TRAF2: variants seen among roughly 807,000 people sequenced by gnomAD.
TRAF2 encodes TNF receptor associated factor 2.
In TRAF2, 6 loss-of-function variants were observed where a neutral mutation model predicts 55.6. The observed-to-expected ratio is 0.11, with a 90% CI of 0.06 to 0.21. The LOEUF (loss-of-function observed/expected upper bound fraction) is 0.21, where lower values mean the gene tolerates loss of function less well. TRAF2 is among the 10% of genes least tolerant of loss of function. The pLI is 1.00. For missense variants in TRAF2, 561 were observed against 684.5 expected, an observed-to-expected ratio of 0.82 and a Z score of 2.01; for synonymous variants, 329 against 276.3, an observed-to-expected ratio of 1.19 and a Z score of -1.89.
chr9:136,894,083 A>G (rs2131281368), intron 1 of TRAF2, among the ~76,000 whole-genome samples: 1 of 117,484 alleles, frequency 8.5e-6, no homozygotes. Context: ...GTCTTGCCTC[A>G]TCGCCCAGGC....
At chr9:136,894,240 T>C (rs564477754) in intron 1 of TRAF2, among the ~76,000 whole-genome samples, 1 of 151,746 alleles carries the variant, frequency 6.6e-6, no homozygotes, top group East Asian at 1.9e-4. Context: ...AGAGACAGGG[T>C]TTCACCATGT....
chr9:136,923,879 A>G lies in TRAF2; in HGVS notation c.1166A>G (p.Lys389Arg). The G allele has an allele frequency of 6.2e-7, 1 of 1,613,832 alleles. No individual in the cohort carries two copies. The highest frequency in any genetic ancestry group is 8.5e-7 in the Non-Finnish European group (1 of 1,179,946). Reference sequence around the variant, plus strand: ...TTCTACACCAGCAGGTACGGCTACAAGATGTGTCTGCGTATCTACCTGAAC... The same window carrying G: ...TTCTACACCAGCAGGTACGGCTACAGGATGTGTCTGCGTATCTACCTGAAC... ...PAFYTSRYGY[K>R]MCLRIYLNGD... The change falls in exon 10 of 11, where the codon AAG (lysine) becomes AGG (arginine). Residue 389 changes from lysine to arginine, a missense_variant. Physicochemically the swap from Lys to Arg is conservative, Grantham distance 26. Transcript: ENST00000247668.
upstream of TRAF2, among the ~76,000 whole-genome samples, chr9:136,883,038 T>G (rs2131263445): frequency 6.6e-6 from 1 of 152,248 alleles, no homozygotes; most frequent in Middle Eastern, 3.4e-3. Flanking sequence ...GTTCAGTTAA[T>G]TTTTGTATTT....
At chr9:136,915,863 C>G (rs372172971) in intron 6 of TRAF2, among the ~76,000 whole-genome samples, 1 of 152,154 alleles carries the variant, frequency 6.6e-6, no homozygotes, top group African/African-American at 2.4e-5. Context: ...TTCACAGTTA[C>G]GGCCGTTTCC....
At chr9:136,918,160 G>A (rs1352067951) in intron 7 of TRAF2, among the ~76,000 whole-genome samples, 1 of 150,604 alleles carries the variant, frequency 6.6e-6, no homozygotes, top group East Asian at 1.9e-4. Context: ...GGGTGGTCAT[G>A]CCTCTAGCTG....
Position 136,925,851 on chromosome 9 carries a change from C to T in TRAF2, c.1456C>T (p.Arg486Trp), listed in dbSNP as rs774782158. 52 of 1,614,102 alleles carry T rather than the reference C, an allele frequency of 3.2e-5. No homozygotes were observed. The highest frequency in any genetic ancestry group is 2.4e-4 in the East Asian group (11 of 44,900). ...SKMEAKNSYV[R>W]DDAIFIKAIV... Reference sequence around the variant, plus strand: ...GATGGAGGCAAAGAATTCCTACGTGCGGGACGATGCCATCTTCATCAAGGC... The same window carrying T: ...GATGGAGGCAAAGAATTCCTACGTGTGGGACGATGCCATCTTCATCAAGGC... Residue 486 changes from arginine (R) to tryptophan (W), a missense_variant, in exon 11 of 11, where the codon CGG (arginine) becomes TGG (tryptophan). Physicochemically the swap from Arg to Trp is moderately radical, Grantham distance 101. Around this residue, in one of 2 missense-constraint regions of TRAF2, gnomAD observed 135 missense variants for 207.7 expected, o/e 0.65. Transcript: ENST00000247668.
At chr9:136,892,846 C>T (rs753505681) in intron 1 of TRAF2, among the ~76,000 whole-genome samples, 5 of 152,270 alleles carry the variant, frequency 3.3e-5, no homozygotes, top group East Asian at 1.9e-4. Flanking sequence ...GTTGCACTCC[C>T]GCCTGAGCGA....
chr9:136,903,685 TG>T (rs1282729831), intron 4 of TRAF2, among the ~76,000 whole-genome samples: 200 of 152,080 alleles, frequency 1.3e-3, no homozygotes, highest in African/African-American at 4.3e-3. Context: ...TTTGTTTGTT[TG>T]TTTGTTGTTT....
intron 6 of TRAF2, among the ~76,000 whole-genome samples, chr9:136,913,341 A>G (rs1588437999): frequency 8.6e-6 from 1 of 115,922 alleles, no homozygotes; most frequent in Non-Finnish European, 1.6e-5. Context: ...TCTGCCGCCC[A>G]GGCTGGAGTG....
intron 7 of TRAF2, among the ~76,000 whole-genome samples, chr9:136,918,762 G>A (rs1348729577): frequency 1.3e-5 from 2 of 151,972 alleles, no homozygotes; most frequent in Admixed American, 1.3e-4. Flanking sequence ...TTGAGACAGA[G>A]TCTTGCTCTG....
chr9:136,899,649 A>G lies in TRAF2; in HGVS notation c.244A>G (p.Ile82Val), dbSNP rs763472025. The change falls in exon 3 of 11, where the codon ATT (isoleucine) becomes GTT (valine). Residue 82 changes from isoleucine to valine, a missense_variant. Coordinates refer to ENST00000247668, the MANE Select transcript of TRAF2 (RefSeq NM_021138.4). Reference sequence around the variant, plus strand: ...TCACGAGGGCATATATGAAGAAGGCATTTCTATTTTAGAAAGCAGTTCGGT... The same window carrying G: ...TCACGAGGGCATATATGAAGAAGGCGTTTCTATTTTAGAAAGCAGTTCGGT... ...CVHEGIYEEGISILESSSAFP... is the reference protein window; with the variant it reads ...CVHEGIYEEGVSILESSSAFP... 1.3e-5 allele frequency: 21 copies of G among 1,612,988 alleles called. No homozygotes were observed. The highest frequency in any genetic ancestry group is 1.3e-5 in the Non-Finnish European group (15 of 1,179,250).
At chr9:136,919,441 G>A (rs952850572) in intron 7 of TRAF2, among the ~76,000 whole-genome samples, 1 of 151,518 alleles carries the variant, frequency 6.6e-6, no homozygotes. Context: ...GATTACAGGC[G>A]TGCACCACCA....
rs142412558 is a variant in TRAF2 at position 136,925,857 on chromosome 9, G to A, written c.1462G>A (p.Asp488Asn). ...MEAKNSYVRD[D>N]AIFIKAIVDL... The stretch of plus-strand genomic sequence containing the variant: ...GGCAAAGAATTCCTACGTGCGGGAC[G>A]ATGCCATCTTCATCAAGGCCATTGT... Residue 488 changes from aspartate to asparagine, a missense_variant, in exon 11 of 11, where the codon GAT becomes AAT. Physicochemically the swap from Asp to Asn is conservative, Grantham distance 23. Transcript: ENST00000247668. 384 of 1,614,208 alleles carry A rather than the reference G, an allele frequency of 2.4e-4. No homozygotes were observed. Among genetic ancestry groups the A allele is most frequent in the Non-Finnish European group, 3.0e-4 (357 of 1,180,052 alleles).
At chr9:136,914,654 G>A (rs2131319546) in intron 6 of TRAF2, among the ~76,000 whole-genome samples, 1 of 152,268 alleles carries the variant, frequency 6.6e-6, no homozygotes, top group East Asian at 1.9e-4. Flanking sequence ...AGAAAGTCGT[G>A]GTTCCTGTTG....
Position 136,920,186 on chromosome 9 carries a change from A to G in TRAF2, c.679-48A>G, listed in dbSNP as rs142712785. 2,374 of 1,546,304 alleles carry G rather than the reference A, an allele frequency of 1.5e-3. 7 individuals carry two copies. Among genetic ancestry groups the G allele is most frequent in the Middle Eastern group, 5.6e-3 (24 of 4,266 alleles). On this transcript the variant is annotated intron_variant, in intron 7 of 10. Transcript: ENST00000247668. The stretch of plus-strand genomic sequence containing the variant: ...GTCTTGGTGGCCGTCCCCGGGTGGG[A>G]GCCGAATGGTGGATGGAGCCAGCAG...
At position 136,907,331 on chromosome 9, in the gene TRAF2, G is replaced by C. The variant is rs189771430; in HGVS notation, c.367-739G>C. Among the ~76,000 whole-genome samples the C allele has an allele frequency of 7.3e-4, 111 of 152,398 alleles. 3 individuals are homozygous for C. The East Asian group carries it at 0.016, about 22-fold the overall frequency. ...GTTCTGGCACTGGTGGTCACTACCA[G>C]GTTGTCAGCTCCAGGAGGGCAGGGC... On this transcript the variant is annotated intron_variant, in intron 4 of 10. Transcript: ENST00000247668.
chr9:136,916,646 C>T, intron 7 of TRAF2, 31 bp downstream of exon 7: 1 of 1,608,066 alleles, frequency 6.2e-7, no homozygotes, highest in Admixed American at 1.7e-5. Context: ...TTGGGGGCCA[C>T]CCCTCATCCT....
intron 1 of TRAF2, chr9:136,890,231 T>C (rs2811763): frequency 0.81 from 121,607 of 150,510 alleles, 49,412 homozygotes; most frequent in African/African-American, 0.9. Flanking sequence ...CTCGTTCAGC[T>C]GGTCACCACG....
At chr9:136,921,636 T>TCC (rs1001334755) in intron 9 of TRAF2, among the ~76,000 whole-genome samples, 3 of 151,420 alleles carry the variant, frequency 2.0e-5, no homozygotes, top group Non-Finnish European at 4.4e-5. Flanking sequence ...GCTAGTCTGA[T>TCC]CCCTCCCAGG....
Sources: allele counts gnomAD v4.1 joint callset (sites outside exome capture counted in the v4.1 genomes callset), GRCh38; gene constraint gnomAD v4.1.1; regional missense constraint gnomAD v4.1.1; transcripts MANE v1.5; gene names NCBI Gene and HGNC (gene_info 2026-07-23, HGNC 2026-07-21).